The following RBP7 variants were observed in gnomAD, a reference collection of about 807,000 sequenced individuals.
The protein encoded by RBP7 is retinol binding protein 7.
A neutral mutation model predicts 16.7 loss-of-function variants in RBP7; 13 were observed. That is an observed-to-expected ratio of 0.78 (90% CI 0.51 to 1.24). The LOEUF (loss-of-function observed/expected upper bound fraction) is 1.24, where lower values mean the gene tolerates loss of function less well. Among genes scored for constraint, RBP7 ranks in the 50% most tolerant of loss-of-function variants. RBP7 has a pLI of 0.00. For missense variants in RBP7, 145 were observed against 159.5 expected (o/e 0.91, Z 0.49); for synonymous variants, 54 against 56.2 (o/e 0.96, Z 0.17).
intron 1 of RBP7, among the ~76,000 whole-genome samples, chr1:10,001,110 C>T (rs1460439255): frequency 6.6e-6 from 1 of 152,102 alleles, no homozygotes; most frequent in Admixed American, 6.6e-5. Context: ...AAGTCACCAG[C>T]AAATACACAG....
chr1:10,002,255 C>T (rs1416693669), intron 1 of RBP7, among the ~76,000 whole-genome samples: 1 of 152,072 alleles, frequency 6.6e-6, no homozygotes, highest in African/African-American at 2.4e-5. Flanking sequence ...TGTGTGGACT[C>T]CTTTGAGATC....
chr1:9,999,490 T>C (rs886405460), intron 1 of RBP7, among the ~76,000 whole-genome samples: 4 of 152,008 alleles, frequency 2.6e-5, no homozygotes, highest in African/African-American at 7.3e-5. Context: ...GAGGCAGAGG[T>C]TGCAGTGAGC....
In RBP7 at chr1:10,007,582, C is replaced by T. The variant is rs1373066214; in HGVS notation, c.86C>T (p.Ala29Val). Reference sequence around the variant, plus strand: ...AATTATTTTTAAGGTATTGACTTTGCCACTCGTAAAATAGCCAAGTTGCTG... The same window carrying T: ...AATTATTTTTAAGGTATTGACTTTGTCACTCGTAAAATAGCCAAGTTGCTG... Reference protein sequence around the residue: ...GYMLALGIDFATRKIAKLLKP... With the variant: ...GYMLALGIDFVTRKIAKLLKP... The change falls in exon 2 of 4, where the codon GCC becomes GTC. Residue 29 changes from alanine to valine, a missense_variant. By Grantham distance (64) the Ala-to-Val change is moderately conservative. Coordinates refer to ENST00000294435, the MANE Select transcript of RBP7 (RefSeq NM_052960.3). The T allele has an allele frequency of 6.2e-7, 1 of 1,605,496 alleles. No homozygotes were observed. Among genetic ancestry groups the T allele is most frequent in the Non-Finnish European group, 8.5e-7 (1 of 1,176,984 alleles).
chr1:10,001,152 C>T (rs1310754058), intron 1 of RBP7, among the ~76,000 whole-genome samples: 1 of 152,162 alleles, frequency 6.6e-6, no homozygotes, highest in Non-Finnish European at 1.5e-5. Context: ...CAGCTGGCAT[C>T]TCATTTGAGG....
chr1:10,013,499 T>C (rs1156606471), intron 3 of RBP7, among the ~76,000 whole-genome samples: 2 of 151,764 alleles, frequency 1.3e-5, no homozygotes, highest in African/African-American at 4.8e-5. Flanking sequence ...CTGGGCAGCA[T>C]AGTGTGACTC....
At chr1:9,999,670 G>C (rs1444910660) in intron 1 of RBP7, among the ~76,000 whole-genome samples, 1 of 152,056 alleles carries the variant, frequency 6.6e-6, no homozygotes, top group Non-Finnish European at 1.5e-5. Context: ...AATCCAGAAC[G>C]GTTTTCTGAA....
At chr1:9,998,387 T>TTTTCCTTC (rs1642209567) in intron 1 of RBP7, among the ~76,000 whole-genome samples, 1 of 127,554 alleles carries the variant, frequency 7.8e-6, no homozygotes, top group South Asian at 2.5e-4. Flanking sequence ...TGTTTTCTTT[T>TTTTCCTTC]TTTCTTTCTT....
rs773537230 is a variant in RBP7, at chr1:9,997,245, C to G, written c.-14C>G. On this transcript the variant is annotated 5_prime_UTR_variant, in exon 1 of 4. Coordinates refer to ENST00000294435, the MANE Select transcript of RBP7 (RefSeq NM_052960.3). The surrounding 1 kb of genome is among the most constrained non-coding windows in gnomAD (Gnocchi z 5.9). ...CTCCGGCCGCCCGCCGGGTTTGTCC[C>G]GCGATCCCCGACCATGCCCGCCGAC... 1.4e-5 allele frequency: 22 copies of G among 1,608,602 alleles called. No individual in the cohort carries two copies. Among genetic ancestry groups the G allele is most frequent in the Non-Finnish European group, 1.9e-5 (22 of 1,178,382 alleles).
chr1:10,007,925 C>G (rs1642492023), intron 2 of RBP7, among the ~76,000 whole-genome samples, 177 bp downstream of exon 2: 1 of 151,870 alleles, frequency 6.6e-6, no homozygotes, highest in Non-Finnish European at 1.5e-5. Flanking sequence ...TGGCAGGAGC[C>G]TGTAATCCCA....
At chr1:10,006,912 G>T (rs1642458019) in intron 1 of RBP7, 4 of 426,730 alleles carry the variant, frequency 9.4e-6, no homozygotes, top group South Asian at 3.3e-5. Context: ...CTGAGGCTGG[G>T]TTGGGGGGCC....
Position 10,007,712 on chromosome 1 carries a change from T to A in RBP7, c.216T>A (p.Asp72Glu). The A allele has an allele frequency of 2.5e-6, 4 of 1,613,850 alleles. No individual in the cohort carries two copies. Among genetic ancestry groups the A allele is most frequent in the Non-Finnish European group, 3.4e-6 (4 of 1,179,996 alleles). ...AATTTAAAGTTGGAGAAGAATTTGATGAAGATAACAGAGGCCTGGACAACA... is the reference window on the plus strand; with the variant it reads ...AATTTAAAGTTGGAGAAGAATTTGAAGAAGATAACAGAGGCCTGGACAACA... ...FVKFKVGEEF[D>E]EDNRGLDNRK... The change falls in exon 2 of 4, where the codon GAT becomes GAA. Residue 72 changes from aspartate (D) to glutamate (E), a missense_variant. Coordinates refer to ENST00000294435, the MANE Select transcript of RBP7 (RefSeq NM_052960.3).
At position 10,014,304 on chromosome 1, in the gene RBP7, G is replaced by C. The variant is rs765742264; in HGVS notation, c.355-1478G>C. On this transcript the variant is annotated intron_variant, in intron 3 of 3. Coordinates refer to ENST00000294435, the MANE Select transcript of RBP7 (RefSeq NM_052960.3). Reference sequence around the variant, plus strand: ...GTGTGGTGAATACATTGAGGTGCTGGGAGGGCTGTGTGCTCCCCCTTCCTA... The same window carrying C: ...GTGTGGTGAATACATTGAGGTGCTGCGAGGGCTGTGTGCTCCCCCTTCCTA... Among the ~76,000 whole-genome samples the C allele has an allele frequency of 7.9e-5, 12 of 152,188 alleles. No individual in the cohort carries two copies. The East Asian group carries it at 1.2e-3, about 15-fold the overall frequency.
intron 3 of RBP7, among the ~76,000 whole-genome samples, chr1:10,012,018 A>C (rs1178211037): frequency 1.3e-5 from 2 of 151,956 alleles, no homozygotes; most frequent in African/African-American, 4.8e-5. Flanking sequence ...CCTGACCAAC[A>C]TGGAGAAACT....
intron 3 of RBP7, among the ~76,000 whole-genome samples, chr1:10,011,991 C>T (rs1263977205): frequency 5.3e-5 from 8 of 151,818 alleles, no homozygotes; most frequent in Admixed American, 3.3e-4. Flanking sequence ...CACTTGAGGT[C>T]GGGAGTTTGA....
chr1:10,015,799 T>C lies in RBP7; in HGVS notation c.372T>C (p.Gly124=). 6.2e-7 allele frequency: 1 copy of C among 1,614,136 alleles called. No individual in the cohort carries two copies. The highest frequency in any genetic ancestry group is 8.5e-7 in the Non-Finnish European group (1 of 1,180,012). The change falls in exon 4 of 4, where the codon GGT becomes GGC. Residue 124 remains glycine (G), a synonymous_variant. Transcript: ENST00000294435. ...CGCCCTAGGAAATGTTCTGTGAAGG[T>C]CAAGTGTGCAAACAGACATTCCAGA... ...DKLHLEMFCE[G]QVCKQTFQRA is the part of the protein sequence containing the mutation.
At chr1:10,007,805 G>T in intron 2 of RBP7, 57 bp downstream of exon 2, 1 of 1,540,256 alleles carries the variant, frequency 6.5e-7, no homozygotes, top group East Asian at 2.3e-5. Context: ...CTAACACTTT[G>T]GGAGGCCAAC....
chr1:10,004,952 C>T (rs193066576), intron 1 of RBP7, among the ~76,000 whole-genome samples: 1 of 152,198 alleles, frequency 6.6e-6, no homozygotes, highest in African/African-American at 2.4e-5. Context: ...GAGATTGCAC[C>T]ACTGCAGTCC....
chr1:10,015,664 TA>T, intron 3 of RBP7, 117 bp from the exon 4 acceptor site: 1 of 861,968 alleles, frequency 1.2e-6, no homozygotes. Context: ...CCCCATCTCA[TA>T]AAAGAAAAAA....
chr1:9,997,801 G>A lies in RBP7; in HGVS notation c.73+470G>A, dbSNP rs1642200240. Among the ~76,000 whole-genome samples, 1 of 151,778 alleles carries A rather than the reference G, an allele frequency of 6.6e-6. No individual in the cohort carries two copies. The highest frequency in any genetic ancestry group is 2.4e-5 in the African/African-American group (1 of 41,344). ...CGCAGCCGCCTTCCGTGCAGGCCCC[G>A]GGGCCCCGGGCGCGCTCCCGCAGCG... On this transcript the variant is annotated intron_variant, in intron 1 of 3. Transcript: ENST00000294435. The surrounding 1 kb of genome is among the most constrained non-coding windows in gnomAD (Gnocchi z 5.9).
Sources: gnomAD v4.1 joint callset for allele counts (sites outside exome capture counted in the v4.1 genomes callset) on GRCh38, gnomAD v4.1.1 for gene constraint, Gnocchi (gnomAD v3.1) non-coding constraint, MANE v1.5 for transcripts, NCBI Gene and HGNC (gene_info 2026-07-23, HGNC 2026-07-21) for gene names.